The following CFAP77 variants were observed in gnomAD, a reference collection of about 807,000 sequenced individuals.
CFAP77 encodes cilia- and flagella-associated protein 77.
In CFAP77, 25 loss-of-function variants were observed where a neutral mutation model predicts 31.1. The observed-to-expected ratio is 0.80, with a 90% CI of 0.59 to 1.12. The LOEUF (loss-of-function observed/expected upper bound fraction) is 1.12. Ranked by LOEUF, CFAP77 falls within the 50% of genes most tolerant of loss-of-function variation. CFAP77 has a pLI of 0.00. For synonymous variants in CFAP77, 151 were observed against 159.9 expected, an observed-to-expected ratio of 0.94 and a Z score of 0.42; for missense variants, 377 against 397.3, an observed-to-expected ratio of 0.95 and a Z score of 0.44.
At chr9:132,508,628 C>A (rs1346997933) in intron 3 of CFAP77, among the ~76,000 whole-genome samples, 1 of 151,976 alleles carries the variant, frequency 6.6e-6, no homozygotes, top group East Asian at 1.9e-4. Context: ...AAAATGAGGA[C>A]CAGAGTGTGT....
chr9:132,482,112 C>T (rs896668484), intron 1 of CFAP77, among the ~76,000 whole-genome samples: 6 of 151,996 alleles, frequency 3.9e-5, no homozygotes, highest in Admixed American at 2.6e-4. Context: ...TTCAGTTTTC[C>T]TTTGATTTCT....
rs1226611448 is a variant in CFAP77 at position 132,438,539 on chromosome 9, ATATTTTTT to A, written c.195+28075_195+28082del. ...ATATGGTATATATATATATATATATATATTTTTTTTTTTTTTTTTAGACAGGGTCTCAA... is the reference window on the plus strand; with the variant it reads ...ATATGGTATATATATATATATATATATTTTTTTTTTTAGACAGGGTCTCAA... On this transcript the variant is annotated intron_variant, in intron 1 of 5. Transcript: ENST00000393216. 1.4e-3 allele frequency among the ~76,000 whole-genome samples: 160 copies of A among 115,404 alleles called. 2 individuals are homozygous for A. Among genetic ancestry groups the A allele is most frequent in the African/African-American group, 5.6e-3 (138 of 24,538 alleles). 75.7% of individuals were successfully genotyped at this position (115,404 alleles called of 152,430 possible).
rs1225534114 is a variant in CFAP77 at position 132,550,751 on chromosome 9, C to G, written c.732+7704C>G. 2.0e-5 allele frequency among the ~76,000 whole-genome samples: 3 copies of G among 152,032 alleles called. No homozygotes were observed. In the East Asian group the frequency reaches 5.8e-4, roughly 29 times the overall value. On this transcript the variant is annotated intron_variant, in intron 5 of 5. Coordinates refer to ENST00000393216, the MANE Select transcript of CFAP77 (RefSeq NM_001282957.2). ...GGTTCCTTCTGGTTTCTGAGTGTCC[C>G]CACTTGTCAGCCTCCATCCCCTGGC...
chr9:132,518,037 G>C (rs1340151407), intron 3 of CFAP77, among the ~76,000 whole-genome samples: 1 of 152,070 alleles, frequency 6.6e-6, no homozygotes, highest in Non-Finnish European at 1.5e-5. Context: ...TTTTCTGGGG[G>C]GTTCCTGCCA....
intron 5 of CFAP77, among the ~76,000 whole-genome samples, chr9:132,561,604 TACACACACACACACACACACACACAC>T (rs61039438): frequency 2.7e-5 from 3 of 111,580 alleles, no homozygotes; most frequent in South Asian, 3.2e-4. Flanking sequence ...GAGGTGCATG[TACACACACACACACACACACACACAC>T]ACACACACAC....
intron 3 of CFAP77, among the ~76,000 whole-genome samples, chr9:132,503,988 A>G (rs545195434): frequency 2.8e-4 from 42 of 152,342 alleles, no homozygotes; most frequent in Admixed American, 5.2e-4. Context: ...GCAGCGAACC[A>G]AGATCGCACC....
chr9:132,415,541 G>C (rs79719149), intron 1 of CFAP77, among the ~76,000 whole-genome samples: 1 of 152,156 alleles, frequency 6.6e-6, no homozygotes, highest in South Asian at 2.1e-4. Flanking sequence ...CAGCACTCAG[G>C]TTCCTCCTGT....
At chr9:132,488,727 G>A (rs1297148078) in intron 1 of CFAP77, among the ~76,000 whole-genome samples, 2 of 152,214 alleles carry the variant, frequency 1.3e-5, no homozygotes, top group East Asian at 1.9e-4. Context: ...GGGGGCTTCC[G>A]GGCGCTGGGG....
At chr9:132,561,233 A>C (rs768781086) in intron 5 of CFAP77, among the ~76,000 whole-genome samples, 3 of 152,144 alleles carry the variant, frequency 2.0e-5, no homozygotes, top group Non-Finnish European at 4.4e-5. Context: ...ACAGCCTCTC[A>C]ATCTTTTAAA....
intron 1 of CFAP77, among the ~76,000 whole-genome samples, chr9:132,458,357 G>GAGGGCGGGGGGT (rs1554738861): frequency 8.4e-6 from 1 of 119,044 alleles, no homozygotes; most frequent in African/African-American, 3.2e-5. Flanking sequence ...GAGGGGGGGG[G>GAGGGCGGGGGGT]GTGTGTATGG....
At chr9:132,533,243 G>C (rs777813623) in intron 3 of CFAP77, among the ~76,000 whole-genome samples, 22 of 152,178 alleles carry the variant, frequency 1.4e-4, no homozygotes, top group Non-Finnish European at 3.1e-4. Flanking sequence ...TTCATGTTCC[G>C]GTCACTGGCC....
chr9:132,572,628 A>G lies in CFAP77; in HGVS notation c.*118A>G. 9.5e-7 allele frequency: 1 copy of G among 1,057,294 alleles called. No homozygotes were observed. Among genetic ancestry groups the G allele is most frequent in the Non-Finnish European group, 1.3e-6 (1 of 747,482 alleles). The allele number at this position is 1,057,294 out of a possible 1,614,324, so 65.5% of individuals were successfully genotyped here. ...TTTTTATGCAGGTTCTGCTTCAAGGAGCTCAGATTCAAGTCTTAGGCTAAT... is the reference window on the plus strand; with the variant it reads ...TTTTTATGCAGGTTCTGCTTCAAGGGGCTCAGATTCAAGTCTTAGGCTAAT... On this transcript the variant is annotated 3_prime_UTR_variant, in exon 6 of 6. Coordinates refer to ENST00000393216, the MANE Select transcript of CFAP77 (RefSeq NM_001282957.2).
At chr9:132,549,157 AC>A (rs1395195674) in intron 5 of CFAP77, among the ~76,000 whole-genome samples, 1 of 151,650 alleles carries the variant, frequency 6.6e-6, no homozygotes, top group Non-Finnish European at 1.5e-5. Context: ...TCTCTGCTAC[AC>A]CCCCCAAGCG....
At chr9:132,533,850 C>T (rs1180879431) in intron 3 of CFAP77, among the ~76,000 whole-genome samples, 3 of 152,052 alleles carry the variant, frequency 2.0e-5, no homozygotes, top group Non-Finnish European at 1.5e-5. Context: ...CACTACACTC[C>T]AGCCTGGGCA....
chr9:132,421,555 A>T (rs1219006434), intron 1 of CFAP77: 1 of 152,258 alleles, frequency 6.6e-6, no homozygotes, highest in Non-Finnish European at 1.5e-5. Flanking sequence ...AGGAAAAGGG[A>T]TGGCGTGTTC....
At position 132,498,704 on chromosome 9, in the gene CFAP77, G is replaced by C. The variant is rs140186450; in HGVS notation, c.205G>C (p.Gly69Arg). Residue 69 changes from glycine (G) to arginine (R), a missense_variant, in exon 2 of 6, where the codon GGC (glycine) becomes CGC (arginine). Physicochemically the swap from Gly to Arg is moderately radical, Grantham distance 125. Coordinates refer to ENST00000393216, the MANE Select transcript of CFAP77 (RefSeq NM_001282957.2). This position sits in a 1 kb window ranked among gnomAD's most constrained non-coding sequence, Gnocchi z 4.2. Reference protein sequence around the residue: ...QNPLIVKAELGKPRERSYSLP... With the variant: ...QNPLIVKAELRKPRERSYSLP... The stretch of plus-strand genomic sequence containing the variant: ...GTCCTTCCCCCGACAGGCTGAACTC[G>C]GCAAGCCCCGGGAAAGAAGCTACAG... The C allele has an allele frequency of 6.2e-6, 10 of 1,610,964 alleles. No individual in the cohort carries two copies. The highest frequency in any genetic ancestry group is 3.3e-4 in the Middle Eastern group (2 of 6,082).
chr9:132,520,826 C>A (rs1323406274), intron 3 of CFAP77, among the ~76,000 whole-genome samples: 1 of 152,164 alleles, frequency 6.6e-6, no homozygotes, highest in Non-Finnish European at 1.5e-5. Context: ...TGGCGCAGGG[C>A]CAGCCCTCCA....
intron 5 of CFAP77, among the ~76,000 whole-genome samples, chr9:132,548,756 C>T (rs1852777382): frequency 7.0e-6 from 1 of 142,616 alleles, no homozygotes; most frequent in African/African-American, 2.6e-5. Context: ...TGTCTCTGTA[C>T]ACTTCCAATA....
At chr9:132,472,356 A>G (rs1052197756) in intron 1 of CFAP77, among the ~76,000 whole-genome samples, 1 of 152,254 alleles carries the variant, frequency 6.6e-6, no homozygotes, top group Non-Finnish European at 1.5e-5. Context: ...AAGCCATTCT[A>G]TAATTAGCTG....
Sources: allele counts gnomAD v4.1 joint callset (sites outside exome capture counted in the v4.1 genomes callset), GRCh38; gene constraint gnomAD v4.1.1; non-coding constraint Gnocchi (gnomAD v3.1); transcripts MANE v1.5; gene names NCBI Gene and HGNC (gene_info 2026-07-23, HGNC 2026-07-21).